The following TMEM117 variants were observed in gnomAD, a reference collection of about 807,000 sequenced individuals.
TMEM117 encodes transmembrane protein 117.
Under a neutral mutation model 52.4 loss-of-function variants are expected in TMEM117, and 27 were observed. The ratio of observed to expected loss-of-function variants is 0.51; its 90% CI spans 0.38 to 0.71. The LOEUF (loss-of-function observed/expected upper bound fraction) is 0.71, where lower values mean the gene tolerates loss of function less well. Among genes scored for constraint, TMEM117 ranks in the 30% least tolerant of loss-of-function variants. The pLI is 0.00. For missense variants in TMEM117, 556 were observed against 630.5 expected (o/e 0.88, Z 1.26); for synonymous variants, 215 against 206.3 (o/e 1.04, Z -0.36).
At chr12:43,902,437 C>T (rs995313938) in intron 2 of TMEM117, among the ~76,000 whole-genome samples, 5 of 152,264 alleles carry the variant, frequency 3.3e-5, no homozygotes, top group Middle Eastern at 3.4e-3. Flanking sequence ...GCCAAAGAGT[C>T]AGTTTTCAGA....
chr12:43,942,765 C>T (rs192203278), intron 2 of TMEM117, among the ~76,000 whole-genome samples: 135 of 152,162 alleles, frequency 8.9e-4, no homozygotes, highest in African/African-American at 3.2e-3. Flanking sequence ...TTATTTCTTC[C>T]TATGCTCAGT....
At chr12:44,179,441 G>A (rs1949160233) in intron 4 of TMEM117, among the ~76,000 whole-genome samples, 1 of 152,214 alleles carries the variant, frequency 6.6e-6, no homozygotes, top group Non-Finnish European at 1.5e-5. Flanking sequence ...GTCTGCTGGT[G>A]CAAATCCTAC....
intron 6 of TMEM117, among the ~76,000 whole-genome samples, chr12:44,347,046 C>G (rs2138767909): frequency 6.6e-6 from 1 of 151,880 alleles, no homozygotes. Flanking sequence ...AAATCTTCTC[C>G]CCTGTAATTT....
At chr12:43,965,889 C>G (rs993345609) in intron 3 of TMEM117, among the ~76,000 whole-genome samples, 1 of 152,156 alleles carries the variant, frequency 6.6e-6, no homozygotes, top group Non-Finnish European at 1.5e-5. Context: ...TTTTTTAACC[C>G]TAGCCCCACT....
intron 5 of TMEM117, among the ~76,000 whole-genome samples, chr12:44,226,499 A>ATGTGTGTGTGTG (rs1161429257): frequency 3.8e-5 from 5 of 132,872 alleles, no homozygotes; most frequent in South Asian, 2.2e-4. Flanking sequence ...ATAAATATAT[A>ATGTGTGTGTGTG]TATGTGTGTG....
chr12:44,143,698 T>C, intron 4 of TMEM117, 74 bp downstream of exon 4: 1 of 1,048,900 alleles, frequency 9.5e-7, no homozygotes, highest in Non-Finnish European at 1.4e-6. Flanking sequence ...CAGACACTGC[T>C]TTTGATGATG....
At chr12:44,200,529 CA>C (rs760967758) in intron 4 of TMEM117, among the ~76,000 whole-genome samples, 24 of 152,008 alleles carry the variant, frequency 1.6e-4, no homozygotes, top group Non-Finnish European at 2.8e-4. Context: ...TCAAATTTGC[CA>C]AAAATCTGTG....
chr12:43,981,085 A>G (rs1032132816), intron 3 of TMEM117, among the ~76,000 whole-genome samples: 4 of 152,096 alleles, frequency 2.6e-5, no homozygotes, highest in African/African-American at 9.7e-5. Context: ...AAGCTTTGCA[A>G]AGCTTCCCGG....
chr12:44,372,556 T>C (rs1206756710), intron 6 of TMEM117, among the ~76,000 whole-genome samples: 2 of 151,196 alleles, frequency 1.3e-5, no homozygotes, highest in Non-Finnish European at 3.0e-5. Flanking sequence ...GTCTTCTTGT[T>C]TACATCCGGA....
At chr12:44,355,320 G>A (rs975854453) in intron 6 of TMEM117, among the ~76,000 whole-genome samples, 16 of 152,030 alleles carry the variant, frequency 1.1e-4, no homozygotes, top group Admixed American at 8.5e-4. Context: ...CTGAGAGATA[G>A]CATTAATTCC....
chr12:44,252,427 T>G (rs1180028617), intron 5 of TMEM117, among the ~76,000 whole-genome samples: 1 of 152,008 alleles, frequency 6.6e-6, no homozygotes, highest in African/African-American at 2.4e-5. Context: ...TCGCTTGAAC[T>G]TGGGAGGTGG....
intron 5 of TMEM117, among the ~76,000 whole-genome samples, chr12:44,252,363 G>T: frequency 1.3e-5 from 2 of 152,228 alleles, no homozygotes; most frequent in South Asian, 4.1e-4. Context: ...AATTAGCCAG[G>T]TGTGGCAGCA....
chr12:44,101,432 C>T (rs1409353667), intron 3 of TMEM117, among the ~76,000 whole-genome samples: 1 of 151,788 alleles, frequency 6.6e-6, no homozygotes, highest in Admixed American at 6.6e-5. Context: ...ATTAACGTTC[C>T]CTGAATGTGG....
At chr12:44,288,503 TAGAA>T (rs1330786392) in intron 5 of TMEM117, among the ~76,000 whole-genome samples, 2 of 152,112 alleles carry the variant, frequency 1.3e-5, no homozygotes, top group African/African-American at 2.4e-5. Flanking sequence ...CAAGAGCTCT[TAGAA>T]AGAGTGTTTT....
chr12:43,973,177 T>C (rs1945619228), intron 3 of TMEM117, among the ~76,000 whole-genome samples: 1 of 152,158 alleles, frequency 6.6e-6, no homozygotes, highest in Non-Finnish European at 1.5e-5. Context: ...AACAGGTTTT[T>C]TCCCAAAATA....
chr12:43,960,718 C>A (rs1258333234), intron 3 of TMEM117, among the ~76,000 whole-genome samples: 1 of 151,958 alleles, frequency 6.6e-6, no homozygotes, highest in Non-Finnish European at 1.5e-5. Context: ...TCTGATTTGG[C>A]AAATAAAATA....
At chr12:44,375,327 C>T (rs954636862) in intron 6 of TMEM117, among the ~76,000 whole-genome samples, 2 of 152,128 alleles carry the variant, frequency 1.3e-5, no homozygotes, top group Non-Finnish European at 2.9e-5. Flanking sequence ...TTTACATGTA[C>T]CCTGATAGAA....
chr12:44,397,438 C>G, the TMEM117 span, among the ~76,000 whole-genome samples: 1 of 152,142 alleles, frequency 6.6e-6, no homozygotes, highest in African/African-American at 2.4e-5. Context: ...AGTAAGTTTA[C>G]AGGCAGGACC....
At chr12:44,103,136 G>C (rs996399629) in intron 3 of TMEM117, among the ~76,000 whole-genome samples, 1 of 151,850 alleles carries the variant, frequency 6.6e-6, no homozygotes, top group Admixed American at 6.6e-5. Context: ...TTTCTGTAGA[G>C]TTAAGGAGAG....
Sources: allele counts gnomAD v4.1 joint callset (sites outside exome capture counted in the v4.1 genomes callset), GRCh38; gene constraint gnomAD v4.1.1; transcripts MANE v1.5; gene names NCBI Gene and HGNC (gene_info 2026-07-23, HGNC 2026-07-21).